Variants in RPGRIP1L observed in about 807,000 individuals in gnomAD.
RPGRIP1L encodes protein fantom.
A neutral mutation model predicts 160.4 loss-of-function variants in RPGRIP1L; 131 were observed. The ratio of observed to expected loss-of-function variants is 0.82; its 90% CI spans 0.71 to 0.94. The LOEUF is 0.94. RPGRIP1L is among the 40% of genes least tolerant of loss of function. RPGRIP1L has a pLI of 0.00. For missense variants in RPGRIP1L, 1,522 were observed against 1,535.8 expected, an observed-to-expected ratio of 0.99 and a Z score of 0.15; for synonymous variants, 510 against 515.8, an observed-to-expected ratio of 0.99 and a Z score of 0.15.
At chr16:53,678,987 T>A (rs910196883) in intron 6 of RPGRIP1L, among the ~76,000 whole-genome samples, 2 of 152,184 alleles carry the variant, frequency 1.3e-5, no homozygotes, top group African/African-American at 4.8e-5. Flanking sequence ...CTGAATAGAA[T>A]AAGCTTCACT....
At chr16:53,657,663 A>G (rs917558722) in intron 12 of RPGRIP1L, 31 bp from the exon 13 acceptor site, 6 of 1,310,222 alleles carry the variant, frequency 4.6e-6, no homozygotes, top group Admixed American at 4.0e-5. Flanking sequence ...TATGACTGAA[A>G]CAAAAATTTC....
chr16:53,626,535 G>A (rs778457600), intron 22 of RPGRIP1L, among the ~76,000 whole-genome samples: 7 of 151,984 alleles, frequency 4.6e-5, no homozygotes, highest in Non-Finnish European at 8.8e-5. Context: ...CTGGCCGTGG[G>A]GACTCACGCC....
intron 6 of RPGRIP1L, among the ~76,000 whole-genome samples, chr16:53,684,688 C>T (rs1412514918): frequency 1.3e-5 from 2 of 150,910 alleles, no homozygotes; most frequent in East Asian, 3.9e-4. Flanking sequence ...CACATGTATA[C>T]AATGTAACAA....
At position 53,636,455 on chromosome 16, in the gene RPGRIP1L, G is replaced by C; in HGVS notation, c.3278C>G (p.Ser1093Cys). The change falls in exon 22 of 27, where the codon TCC (serine) becomes TGC (cysteine). Residue 1093 changes from serine to cysteine, a missense_variant. Coordinates refer to ENST00000647211, the MANE Select transcript of RPGRIP1L (RefSeq NM_015272.5). ...GTTACTGACCTGTTTGATATTCTTG[G>C]AGATAGGACCTGGAATAATACAGTC... ...SDDCIIPGPISKNIKQSLALS... is the reference protein window; with the variant it reads ...SDDCIIPGPICKNIKQSLALS... 2 of 1,611,390 alleles carry C rather than the reference G, an allele frequency of 1.2e-6. No individual in the cohort carries two copies. Among genetic ancestry groups the C allele is most frequent in the Non-Finnish European group, 1.7e-6 (2 of 1,177,840 alleles).
rs1353656918 is a variant in RPGRIP1L at position 53,601,892 on chromosome 16, G to A, written c.*184C>T. 1 of 595,368 alleles carries A rather than the reference G, an allele frequency of 1.7e-6. No individual in the cohort carries two copies. Among genetic ancestry groups the A allele is most frequent in the Non-Finnish European group, 3.1e-6 (1 of 327,424 alleles). The allele number at this position is 595,368 out of a possible 1,614,324, so 36.9% of individuals were successfully genotyped here. A position where few individuals can be genotyped will look rare whatever the true frequency, so the allele number is the denominator to read the frequency against. ...GAGGGGTGGCAGTTATGAGAAGGAG[G>A]GAATAGAGAAATAAACAAATGAAAA... On this transcript the variant is annotated 3_prime_UTR_variant, in exon 27 of 27. Coordinates refer to ENST00000647211, the MANE Select transcript of RPGRIP1L (RefSeq NM_015272.5).
At chr16:53,698,153 C>A (rs1465054947) in intron 2 of RPGRIP1L, among the ~76,000 whole-genome samples, 1 of 150,384 alleles carries the variant, frequency 6.6e-6, no homozygotes. Flanking sequence ...AAGTGAGGAG[C>A]CCCTCCGCCC....
At chr16:53,667,029 T>C (rs950800973) in intron 9 of RPGRIP1L, among the ~76,000 whole-genome samples, 3 of 152,228 alleles carry the variant, frequency 2.0e-5, no homozygotes, top group African/African-American at 7.2e-5. Flanking sequence ...TCTGGCTCCA[T>C]TTTCTTTGTA....
intron 7 of RPGRIP1L, among the ~76,000 whole-genome samples, chr16:53,674,639 T>C (rs930923058): frequency 6.6e-6 from 1 of 152,166 alleles, no homozygotes; most frequent in African/African-American, 2.4e-5. Flanking sequence ...TTGCCAATAA[T>C]TTTATAAATG....
chr16:53,666,472 T>G (rs1250098154), intron 9 of RPGRIP1L, among the ~76,000 whole-genome samples: 4 of 152,108 alleles, frequency 2.6e-5, no homozygotes, highest in Non-Finnish European at 1.5e-5. Context: ...TTTTTATGTT[T>G]GTTTTTAAAA....
intron 4 of RPGRIP1L, among the ~76,000 whole-genome samples, chr16:53,691,449 T>A (rs1340481585): frequency 1.3e-5 from 2 of 152,214 alleles, no homozygotes; most frequent in African/African-American, 4.8e-5. Context: ...ACAAAGTGAT[T>A]GGCCTATGAT....
At chr16:53,684,235 A>G (rs1324512593) in intron 6 of RPGRIP1L, among the ~76,000 whole-genome samples, 1 of 152,156 alleles carries the variant, frequency 6.6e-6, no homozygotes, top group Admixed American at 6.5e-5. Flanking sequence ...CAGCCATCCC[A>G]TTACTGGGTA....
intron 10 of RPGRIP1L, among the ~76,000 whole-genome samples, chr16:53,662,361 A>G (rs1249779645): frequency 1.3e-5 from 2 of 152,166 alleles, no homozygotes; most frequent in Admixed American, 6.5e-5. Flanking sequence ...ACCAAATGCA[A>G]ACTGCATTTA....
Position 53,675,008 on chromosome 16 carries a change from T to A in RPGRIP1L, c.882+9A>T. 1 of 1,541,992 alleles carries A rather than the reference T, an allele frequency of 6.5e-7. No individual in the cohort carries two copies. Among genetic ancestry groups the A allele is most frequent in the South Asian group, 1.1e-5 (1 of 89,698 alleles). On this transcript the variant is annotated intron_variant, in intron 7 of 26. Coordinates refer to ENST00000647211, the MANE Select transcript of RPGRIP1L (RefSeq NM_015272.5). ...TGTAACATTGTAATAAAATAAATTA[T>A]CACTGTACCTCTTGAAGCTGAATAA...
At chr16:53,631,216 T>A (rs1171378946) in intron 22 of RPGRIP1L, among the ~76,000 whole-genome samples, 1 of 152,248 alleles carries the variant, frequency 6.6e-6, no homozygotes, top group Admixed American at 6.5e-5. Context: ...TTCAAAGTTT[T>A]AAACATACTT....
At position 53,631,480 on chromosome 16, in the gene RPGRIP1L, G is replaced by C. The variant is rs1441991549; in HGVS notation, c.3294+4959C>G. ...CTGTGAGTTCATGGCAATACATTTT[G>C]TTGTGAAAAATGAAAGCTGCACTAT... On this transcript the variant is annotated intron_variant, in intron 22 of 26. Coordinates refer to ENST00000647211, the MANE Select transcript of RPGRIP1L (RefSeq NM_015272.5). 2.0e-5 allele frequency among the ~76,000 whole-genome samples: 3 copies of C among 152,318 alleles called. No individual in the cohort carries two copies. In the East Asian group the frequency reaches 5.8e-4, roughly 29 times the overall value.
At chr16:53,638,205 A>T in intron 20 of RPGRIP1L, 105 bp downstream of exon 20, 1 of 749,002 alleles carries the variant, frequency 1.3e-6, no homozygotes, top group Non-Finnish European at 2.3e-6. Flanking sequence ...CATATATAAA[A>T]ATAGGGGAAA....
At chr16:53,685,191 C>A (rs928567625) in intron 6 of RPGRIP1L, among the ~76,000 whole-genome samples, 2 of 151,824 alleles carry the variant, frequency 1.3e-5, no homozygotes, top group Non-Finnish European at 2.9e-5. Context: ...GTGAGACTGG[C>A]GAGTCAAAAA....
chr16:53,610,104 G>A (rs1350440842), intron 25 of RPGRIP1L, among the ~76,000 whole-genome samples: 2 of 152,034 alleles, frequency 1.3e-5, no homozygotes, highest in Admixed American at 1.3e-4. Context: ...TACTCAAGCC[G>A]AGGGAGGACG....
At position 53,648,103 on chromosome 16, in the gene RPGRIP1L, CAAAAAAAAAAAAA is replaced by C. The variant is rs781122239; in HGVS notation, c.2304+848_2304+860del. On this transcript the variant is annotated intron_variant, in intron 16 of 26. Coordinates refer to ENST00000647211, the MANE Select transcript of RPGRIP1L (RefSeq NM_015272.5). ...TGGGTGACAGAGCAAGACTCCGTCT[CAAAAAAAAAAAAA>C]AAAAAAAAAAAGATTCATGTTATAT... Among the ~76,000 whole-genome samples, 30 of 39,136 alleles carry C rather than the reference CAAAAAAAAAAAAA, an allele frequency of 7.7e-4. 1 individual carries two copies. Among genetic ancestry groups the C allele is most frequent in the Non-Finnish European group, 1.3e-3 (24 of 18,614 alleles). 25.7% of individuals were successfully genotyped at this position (39,136 alleles called of 152,430 possible).
Sources: gnomAD v4.1 joint callset for allele counts (sites outside exome capture counted in the v4.1 genomes callset) on GRCh38, gnomAD v4.1.1 for gene constraint, MANE v1.5 for transcripts, NCBI Gene and HGNC (gene_info 2026-07-23, HGNC 2026-07-21) for gene names.